Variants in SNTG1 observed in about 807,000 individuals in gnomAD.
SNTG1 encodes syntrophin gamma 1.
A neutral mutation model predicts 74.7 loss-of-function variants in SNTG1; 39 were observed. The ratio of observed to expected loss-of-function variants is 0.52; its 90% CI spans 0.40 to 0.68. The LOEUF is 0.68. Among genes scored for constraint, SNTG1 ranks in the 30% least tolerant of loss-of-function variants. The probability of loss-of-function intolerance (pLI) is 0.00; values close to 1 mark genes in which losing one functional copy is unlikely to be tolerated. For synonymous variants in SNTG1, 254 were observed against 217.1 expected (o/e 1.17, Z -1.49); for missense variants, 685 against 609.5 (o/e 1.12, Z -1.30).
rs2093576027 is a variant in SNTG1 at position 50,462,794 on chromosome 8, C to CTTTT, written c.363+12066_363+12067insTTTT. On this transcript the variant is annotated intron_variant, in intron 8 of 18. Transcript: ENST00000642720. ...AACTCAGTCGCATCTTCAGGTTCTA[C>CTTTT]TCTTTTTTTTTTTTTTTTTTTTTTT... 2.3e-4 allele frequency among the ~76,000 whole-genome samples: 10 copies of CTTTT among 43,626 alleles called. 4 individuals are homozygous for CTTTT. Among genetic ancestry groups the CTTTT allele is most frequent in the East Asian group, 1.9e-3 (2 of 1,066 alleles). 28.6% of individuals were successfully genotyped at this position (43,626 alleles called of 152,430 possible).
intron 13 of SNTG1, among the ~76,000 whole-genome samples, chr8:50,605,078 T>G (rs1003813660): frequency 4.6e-5 from 7 of 152,186 alleles, no homozygotes; most frequent in African/African-American, 1.7e-4. Context: ...AACTCTGCCC[T>G]GTGCCCTGTC....
intron 2 of SNTG1, among the ~76,000 whole-genome samples, chr8:50,274,351 T>A (rs1357671286): frequency 6.6e-6 from 1 of 152,052 alleles, no homozygotes; most frequent in Non-Finnish European, 1.5e-5. Context: ...CTTCCCAAAG[T>A]GCTGGGATTG....
intron 17 of SNTG1, among the ~76,000 whole-genome samples, chr8:50,737,308 G>A (rs2095531426): frequency 6.6e-6 from 1 of 152,034 alleles, no homozygotes; most frequent in Admixed American, 6.6e-5. Flanking sequence ...AGAAAATGTA[G>A]AATAAATGGA....
chr8:50,399,781 A>G (rs541883499), intron 3 of SNTG1, among the ~76,000 whole-genome samples: 2 of 152,154 alleles, frequency 1.3e-5, no homozygotes, highest in Non-Finnish European at 2.9e-5. Context: ...TAGAAAAAAT[A>G]TGTTCTATAT....
At chr8:50,194,762 T>A (rs1391566460) in intron 2 of SNTG1, among the ~76,000 whole-genome samples, 2 of 152,110 alleles carry the variant, frequency 1.3e-5, no homozygotes, top group Non-Finnish European at 2.9e-5. Flanking sequence ...GACCTTAGAA[T>A]GTCAGTTTGT....
At chr8:50,033,874 T>G (rs948585765) in intron 1 of SNTG1, among the ~76,000 whole-genome samples, 1 of 152,222 alleles carries the variant, frequency 6.6e-6, no homozygotes, top group Non-Finnish European at 1.5e-5. Flanking sequence ...TTCATAAATG[T>G]TCCTATTATT....
intron 1 of SNTG1, among the ~76,000 whole-genome samples, chr8:50,020,782 G>A (rs1016386757): frequency 5.3e-5 from 8 of 152,080 alleles, no homozygotes; most frequent in East Asian, 3.9e-4. Flanking sequence ...ATAAATGGAC[G>A]ATCCAATGCA....
At chr8:50,418,035 C>T (rs189730974) in intron 4 of SNTG1, among the ~76,000 whole-genome samples, 17 of 152,042 alleles carry the variant, frequency 1.1e-4, no homozygotes, top group Non-Finnish European at 1.9e-4. Context: ...TCCAACCAAG[C>T]AACTATAATT....
intron 1 of SNTG1, among the ~76,000 whole-genome samples, chr8:50,005,486 T>C (rs1392032163): frequency 2.6e-5 from 4 of 151,092 alleles, no homozygotes; most frequent in African/African-American, 9.7e-5. Context: ...AAAAAAATAA[T>C]TGATCATTTA....
At chr8:50,222,642 T>C (rs537814538) in intron 2 of SNTG1, among the ~76,000 whole-genome samples, 4 of 152,276 alleles carry the variant, frequency 2.6e-5, no homozygotes, top group South Asian at 4.1e-4. Flanking sequence ...CTTCAAGGCA[T>C]TGTGGGGACA....
chr8:50,520,123 T>C (rs190221401), intron 9 of SNTG1, among the ~76,000 whole-genome samples: 1 of 152,100 alleles, frequency 6.6e-6, no homozygotes, highest in East Asian at 1.9e-4. Flanking sequence ...ACTGAGGCCT[T>C]AGAAATAATG....
chr8:50,006,178 G>A (rs1166893504), intron 1 of SNTG1, among the ~76,000 whole-genome samples: 1 of 151,824 alleles, frequency 6.6e-6, no homozygotes, highest in Non-Finnish European at 1.5e-5. Context: ...GGCCAGGATG[G>A]TCTCAATCTC....
chr8:50,557,677 C>T (rs1225003893), intron 12 of SNTG1, among the ~76,000 whole-genome samples: 1 of 152,174 alleles, frequency 6.6e-6, no homozygotes, highest in Non-Finnish European at 1.5e-5. Context: ...TCAGGTATTC[C>T]AGTCTGACCT....
intron 1 of SNTG1, among the ~76,000 whole-genome samples, chr8:49,925,876 A>G (rs2129349242): frequency 6.6e-6 from 1 of 152,224 alleles, no homozygotes; most frequent in East Asian, 1.9e-4. Context: ...TACTGTGAAT[A>G]AAGGTGCTAT....
chr8:50,409,911 A>G (rs2092925739), intron 4 of SNTG1, among the ~76,000 whole-genome samples: 1 of 152,194 alleles, frequency 6.6e-6, no homozygotes, highest in Admixed American at 6.5e-5. Context: ...TCCAAACATG[A>G]CAGAACTGTC....
intron 2 of SNTG1, among the ~76,000 whole-genome samples, chr8:50,193,878 A>G (rs1048114739): frequency 3.9e-5 from 6 of 152,102 alleles, no homozygotes; most frequent in African/African-American, 1.4e-4. Context: ...TTTTAATCAT[A>G]AAGAGATGCT....
chr8:50,658,252 T>C (rs1053971912), intron 14 of SNTG1, among the ~76,000 whole-genome samples: 9 of 140,788 alleles, frequency 6.4e-5, no homozygotes, highest in African/African-American at 2.3e-4. Flanking sequence ...ATTTAACTAG[T>C]GGTAAATTAA....
chr8:50,677,953 G>A (rs559474714), intron 15 of SNTG1, among the ~76,000 whole-genome samples: 2 of 151,862 alleles, frequency 1.3e-5, no homozygotes, highest in South Asian at 4.2e-4. Context: ...AAAGGGAGGG[G>A]AACAACATAC....
chr8:50,255,976 C>G (rs1468602883), intron 2 of SNTG1, among the ~76,000 whole-genome samples: 2 of 152,274 alleles, frequency 1.3e-5, no homozygotes, highest in East Asian at 3.9e-4. Flanking sequence ...TGTCTGTAAA[C>G]AGTGTTATGA....
Sources: allele counts gnomAD v4.1 joint callset (sites outside exome capture counted in the v4.1 genomes callset), GRCh38; gene constraint gnomAD v4.1.1; transcripts MANE v1.5; gene names NCBI Gene and HGNC (gene_info 2026-07-23, HGNC 2026-07-21).